The following ZNF418 variants were observed in gnomAD, a reference collection of about 807,000 sequenced individuals.
The protein encoded by ZNF418 is zinc finger protein 418.
A neutral mutation model predicts 32.0 loss-of-function variants in ZNF418; 32 were observed. The observed-to-expected ratio is 1.00, with a 90% confidence interval of 0.75 to 1.34. The LOEUF is 1.34. Among genes scored for constraint, ZNF418 ranks in the 40% most tolerant of loss-of-function variants. The pLI is 0.00. For synonymous variants in ZNF418, 276 were observed against 270.7 expected, an observed-to-expected ratio of 1.02 and a Z score of -0.19; for missense variants, 804 against 812.5, an observed-to-expected ratio of 0.99 and a Z score of 0.13.
chr19:57,934,141 T>C (rs2072598601), intron 1 of ZNF418: 1 of 1,316,686 alleles, frequency 7.6e-7, no homozygotes, highest in Non-Finnish European at 9.7e-7. Flanking sequence ...AAATGGCAAG[T>C]AAGAGTCCCA....
chr19:57,933,526 T>C (rs1468921807), intron 2 of ZNF418, among the ~76,000 whole-genome samples: 1 of 152,174 alleles, frequency 6.6e-6, no homozygotes, highest in Non-Finnish European at 1.5e-5. Context: ...ATTGAGACTA[T>C]CCTGGCTAAC....
chr19:57,923,620 G>A (rs2072095645), intron 4 of ZNF418, among the ~76,000 whole-genome samples: 1 of 150,968 alleles, frequency 6.6e-6, no homozygotes, highest in African/African-American at 2.4e-5. Flanking sequence ...TGTCACCCAG[G>A]CTGGAGTACA....
Position 57,930,504 on chromosome 19 carries a change from C to G in ZNF418, c.57G>C (p.Trp19Cys). ...DVAVNFSQEE[W>C]SLLSEVQRCL... is the part of the protein sequence containing the mutation. Reference sequence around the variant, plus strand: ...ATCTCTGAACCTCACTAAGGAGACTCCACTCCTCCTGGGAAAAGTTCACAG... The same window carrying G: ...ATCTCTGAACCTCACTAAGGAGACTGCACTCCTCCTGGGAAAAGTTCACAG... Residue 19 changes from tryptophan to cysteine, a missense_variant, in exon 3 of 6, where the codon TGG becomes TGC. By Grantham distance (215) the Trp-to-Cys change is radical. Coordinates refer to ENST00000396147, the MANE Select transcript of ZNF418 (RefSeq NM_133460.3). 6.2e-7 allele frequency: 1 copy of G among 1,614,130 alleles called. No homozygotes were observed. Among genetic ancestry groups the G allele is most frequent in the Non-Finnish European group, 8.5e-7 (1 of 1,180,028 alleles).
chr19:57,930,352 G>A (rs2072433703), intron 3 of ZNF418, 76 bp downstream of exon 3: 23 of 1,603,928 alleles, frequency 1.4e-5, no homozygotes, highest in Non-Finnish European at 1.9e-5. Context: ...CATGATAAAA[G>A]ACAGTCTTGC....
At chr19:57,930,588 G>C in intron 2 of ZNF418, 34 bp from the exon 3 acceptor site, 8 of 1,613,022 alleles carry the variant, frequency 5.0e-6, no homozygotes, top group Non-Finnish European at 6.8e-6. Flanking sequence ...ACCACAAACA[G>C]CTCCTATGCT....
At position 57,926,610 on chromosome 19, in the gene ZNF418, G is replaced by C. The variant is rs769741818; in HGVS notation, c.1571C>G (p.Ser524Cys). ...ECGKSFPQSC[S>C]LLRHRRVHTG... ...ATGAACTCTCCGATGTCGAAGGAGG[G>C]AACAGCTTTGAGGAAATGACTTCCC... The change falls in exon 4 of 6, where the codon TCC (serine) becomes TGC (cysteine). Residue 524 changes from serine (S) to cysteine (C), a missense_variant. Physicochemically the swap from Ser to Cys is moderately radical, Grantham distance 112. Coordinates refer to ENST00000396147, the MANE Select transcript of ZNF418 (RefSeq NM_133460.3). 5 of 1,613,632 alleles carry C rather than the reference G, an allele frequency of 3.1e-6. No individual in the cohort carries two copies. Among genetic ancestry groups the C allele is most frequent in the Non-Finnish European group, 4.2e-6 (5 of 1,179,936 alleles).
intron 3 of ZNF418, among the ~76,000 whole-genome samples, chr19:57,929,018 C>A (rs1358479338): frequency 6.6e-6 from 1 of 151,618 alleles, no homozygotes; most frequent in African/African-American, 2.4e-5. Context: ...AAACCAAAAA[C>A]AAAACACAAT....
chr19:57,926,182 T>C lies in ZNF418; in HGVS notation c.1999A>G (p.Arg667Gly), dbSNP rs201309448. 2.9e-4 allele frequency: 460 copies of C among 1,613,726 alleles called. No homozygotes were observed. The highest frequency in any genetic ancestry group is 2.5e-3 in the Middle Eastern group (15 of 6,062). Reference sequence around the variant, plus strand: ...TAAGGACTTCTTTCTGTGTGAACTCTCTGATGTCGAAGGAGAGAAGAGCTT... The same window carrying C: ...TAAGGACTTCTTTCTGTGTGAACTCCCTGATGTCGAAGGAGAGAAGAGCTT... ...HRSSSLLRHQ[R>G]VHTERSPYK The change falls in exon 4 of 6, where the codon AGA (arginine) becomes GGA (glycine). Residue 667 changes from arginine to glycine, a missense_variant. Around this residue, in one of 3 missense-constraint regions of ZNF418, gnomAD observed 475 missense variants for 458.6 expected, o/e 1.04. Transcript: ENST00000396147.
Position 57,929,036 on chromosome 19 carries a change from C to T in ZNF418, c.134-989G>A, listed in dbSNP as rs149301446. 8.6e-3 allele frequency among the ~76,000 whole-genome samples: 1,301 copies of T among 152,152 alleles called. 8 individuals are homozygous for T. The highest frequency in any genetic ancestry group is 0.026 in the Admixed American group (400 of 15,270). ...CCAAAAACAAAACACAATTTGTACA[C>T]ACTTGCTAATACACAATGTGTATGC... On this transcript the variant is annotated intron_variant, in intron 3 of 5. Transcript: ENST00000396147.
Position 57,926,456 on chromosome 19 carries a change from G to A in ZNF418, c.1725C>T (p.Phe575=). Residue 575 remains phenylalanine, a synonymous_variant, in exon 4 of 6, where the codon TTC becomes TTT. Coordinates refer to ENST00000396147, the MANE Select transcript of ZNF418 (RefSeq NM_133460.3). ...PYECRECGKF[F]SSLLEHRRVH... ...CTCTCCTGTGTTCAAGGAGACTGGA[G>A]AAGAATTTCCCACATTCTCTGCACT... The A allele has an allele frequency of 6.2e-7, 1 of 1,613,066 alleles. No homozygotes were observed.
intron 2 of ZNF418, 58 bp from the exon 3 acceptor site, chr19:57,930,612 C>A: frequency 6.2e-7 from 1 of 1,606,688 alleles, no homozygotes; most frequent in South Asian, 1.1e-5. Context: ...GTACCACAAT[C>A]CACCTCTCCC....
In ZNF418 at chr19:57,927,603, T is replaced by C; in HGVS notation, c.578A>G (p.Glu193Gly). 6.2e-7 allele frequency: 1 copy of C among 1,614,108 alleles called. No homozygotes were observed. Among genetic ancestry groups the C allele is most frequent in the Non-Finnish European group, 8.5e-7 (1 of 1,179,940 alleles). ...GEKSNSKPECESPFQWGDTHY... is the reference protein window; with the variant it reads ...GEKSNSKPECGSPFQWGDTHY... Reference sequence around the variant, plus strand: ...AGTATCTCCCCACTGAAAGGGAGACTCACACTCAGGTTTGCTGTTTGACTT... The same window carrying C: ...AGTATCTCCCCACTGAAAGGGAGACCCACACTCAGGTTTGCTGTTTGACTT... Residue 193 changes from glutamate (E) to glycine (G), a missense_variant, in exon 4 of 6, where the codon GAG becomes GGG. Transcript: ENST00000396147.
At chr19:57,932,677 T>C in intron 2 of ZNF418, 1 of 1,388,642 alleles carries the variant, frequency 7.2e-7, no homozygotes, top group Non-Finnish European at 9.4e-7. Context: ...AAGAAAAAAA[T>C]AAATAAAATC....
chr19:57,927,468 G>C lies in ZNF418; in HGVS notation c.713C>G (p.Ser238Cys). The change falls in exon 4 of 6, where the codon TCC becomes TGC. Residue 238 changes from serine (S) to cysteine (C), a missense_variant. Coordinates refer to ENST00000396147, the MANE Select transcript of ZNF418 (RefSeq NM_133460.3). ...ACTGACGCTATCATATTTGCTAAAG[G>C]ATTTCCCACATTCCCAGCAATAACA... ...EECYCWECGK[S>C]FSKYDSVSNH... The C allele has an allele frequency of 6.2e-7, 1 of 1,614,228 alleles. No homozygotes were observed. Among genetic ancestry groups the C allele is most frequent in the Non-Finnish European group, 8.5e-7 (1 of 1,180,052 alleles).
rs776093991 is a variant in ZNF418, at chr19:57,926,498, AGT to A, written c.1681_1682del (p.Thr561CysfsTer6). The A allele has an allele frequency of 1.2e-6, 2 of 1,613,106 alleles. No homozygotes were observed. The highest frequency in any genetic ancestry group is 1.3e-5 in the African/African-American group (1 of 74,628). The part of the protein sequence containing the change: ...SSLLRHQKTH[T>X]AERPYECREC... ...CTCTGCACTCATAAGGTCTTTCTGC[AGT>A]GTGAGTTTTCTGATGTCGAAGGAGG... On this transcript the variant is annotated frameshift_variant, in exon 4 of 6. Coordinates refer to ENST00000396147, the MANE Select transcript of ZNF418 (RefSeq NM_133460.3). LOFTEE classifies it low-confidence loss of function (END_TRUNC).
rs1204736696 is a variant in ZNF418 at position 57,930,512 on chromosome 19, C to T, written c.49G>A (p.Glu17Lys). ...ACCTCACTAAGGAGACTCCACTCCTCCTGGGAAAAGTTCACAGCCACATCT... is the reference window on the plus strand; with the variant it reads ...ACCTCACTAAGGAGACTCCACTCCTTCTGGGAAAAGTTCACAGCCACATCT... ...FEDVAVNFSQEEWSLLSEVQR... is the reference protein window; with the variant it reads ...FEDVAVNFSQKEWSLLSEVQR... The change falls in exon 3 of 6, where the codon GAG (glutamate) becomes AAG (lysine). Residue 17 changes from glutamate (E) to lysine (K), a missense_variant. Physicochemically the swap from Glu to Lys is moderately conservative, Grantham distance 56 (BLOSUM62 1). Coordinates refer to ENST00000396147, the MANE Select transcript of ZNF418 (RefSeq NM_133460.3). 2 of 1,614,114 alleles carry T rather than the reference C, an allele frequency of 1.2e-6. No individual in the cohort carries two copies. The highest frequency in any genetic ancestry group is 1.7e-6 in the Non-Finnish European group (2 of 1,180,022).
At position 57,926,636 on chromosome 19, in the gene ZNF418, A is replaced by C. The variant is rs201513129; in HGVS notation, c.1545T>G (p.Cys515Trp). 1 of 1,614,028 alleles carries C rather than the reference A, an allele frequency of 6.2e-7. No homozygotes were observed. The highest frequency in any genetic ancestry group is 8.5e-7 in the Non-Finnish European group (1 of 1,180,036). The change falls in exon 4 of 6, where the codon TGT (cysteine) becomes TGG (tryptophan). Residue 515 changes from cysteine (C) to tryptophan (W), a missense_variant. Transcript: ENST00000396147. Reference protein sequence around the residue: ...TGEKPFECSECGKSFPQSCSL... With the variant: ...TGEKPFECSEWGKSFPQSCSL... The stretch of plus-strand genomic sequence containing the variant: ...AACAGCTTTGAGGAAATGACTTCCC[A>C]CATTCACTACACTCAAACGGTTTTT...
intron 2 of ZNF418, chr19:57,932,330 G>T: frequency 9.2e-7 from 1 of 1,091,022 alleles, no homozygotes; most frequent in Non-Finnish European, 1.3e-6. Flanking sequence ...ACACACCAAC[G>T]TTGCACATCA....
chr19:57,935,084 G>C (rs1320839770), intron 1 of ZNF418, 77 bp downstream of exon 1: 2 of 1,319,130 alleles, frequency 1.5e-6, no homozygotes, highest in Non-Finnish European at 2.0e-6. Flanking sequence ...GCAGACCTGT[G>C]AACAGTCGCC....
Sources: allele counts gnomAD v4.1 joint callset (sites outside exome capture counted in the v4.1 genomes callset), GRCh38; gene constraint gnomAD v4.1.1; regional missense constraint gnomAD v4.1.1; transcripts MANE v1.5; gene names NCBI Gene and HGNC (gene_info 2026-07-23, HGNC 2026-07-21).